PDS5B: variants seen among roughly 807,000 people sequenced by gnomAD.
PDS5B encodes the protein sister chromatid cohesion protein PDS5 homolog B.
In PDS5B, 51 loss-of-function variants were observed where a neutral mutation model predicts 184.1. The observed-to-expected ratio is 0.28, with a 90% CI of 0.22 to 0.35. The LOEUF (loss-of-function observed/expected upper bound fraction) is 0.35, where lower values mean the gene tolerates loss of function less well. Among genes scored for constraint, PDS5B ranks in the 10% least tolerant of loss-of-function variants. The pLI, the probability that PDS5B is intolerant of heterozygous loss-of-function variation, is 1.00. For synonymous variants in PDS5B, 566 were observed against 569.2 expected (o/e 0.99, Z 0.08); for missense variants, 1,180 against 1,723.3 (o/e 0.68, Z 5.58).
At chr13:32,768,345 C>T (rs1347827054) in intron 31 of PDS5B, among the ~76,000 whole-genome samples, 1 of 152,120 alleles carries the variant, frequency 6.6e-6, no homozygotes, top group Non-Finnish European at 1.5e-5. Flanking sequence ...TATAAGGACA[C>T]TAATCTCATC....
chr13:32,738,570 T>C (rs1320653444), intron 21 of PDS5B, among the ~76,000 whole-genome samples: 2 of 152,230 alleles, frequency 1.3e-5, no homozygotes, highest in Non-Finnish European at 2.9e-5. Context: ...TAATCTTTTA[T>C]CTGGTACATG....
intron 15 of PDS5B, among the ~76,000 whole-genome samples, chr13:32,699,402 A>G (rs1204040291): frequency 6.6e-6 from 1 of 152,202 alleles, no homozygotes; most frequent in Non-Finnish European, 1.5e-5. Context: ...AATGTATGCA[A>G]CAAGCTCAAG....
At chr13:32,614,167 C>T (rs2058184732) in intron 1 of PDS5B, among the ~76,000 whole-genome samples, 1 of 152,098 alleles carries the variant, frequency 6.6e-6, no homozygotes, top group Non-Finnish European at 1.5e-5. Flanking sequence ...ATTGTGAGCC[C>T]TCCAACTTTC....
intron 19 of PDS5B, among the ~76,000 whole-genome samples, chr13:32,715,407 A>G (rs143744284): frequency 1.3e-3 from 198 of 152,172 alleles, no homozygotes; most frequent in African/African-American, 4.7e-3. Flanking sequence ...CTCTAAATCT[A>G]GATTTTGTTT....
At chr13:32,733,132 T>G (rs1953182682) in intron 20 of PDS5B, among the ~76,000 whole-genome samples, 1 of 152,184 alleles carries the variant, frequency 6.6e-6, no homozygotes, top group Admixed American at 6.5e-5. Context: ...TGATGTTAAT[T>G]TATAGGAAAG....
At chr13:32,627,470 GT>G (rs541903559) in intron 1 of PDS5B, among the ~76,000 whole-genome samples, 4 of 151,544 alleles carry the variant, frequency 2.6e-5, no homozygotes, top group Non-Finnish European at 5.9e-5. Context: ...CATTTCCTGG[GT>G]TTTTTTTACT....
intron 1 of PDS5B, among the ~76,000 whole-genome samples, chr13:32,632,073 T>C (rs2058464825): frequency 6.6e-6 from 1 of 152,134 alleles, no homozygotes; most frequent in Non-Finnish European, 1.5e-5. Flanking sequence ...CTCAAAATGA[T>C]CAATGATGTA....
chr13:32,733,702 A>G (rs969938518), intron 20 of PDS5B, among the ~76,000 whole-genome samples: 4 of 152,134 alleles, frequency 2.6e-5, no homozygotes, highest in Non-Finnish European at 5.9e-5. Flanking sequence ...CTAATAGAAA[A>G]TAAATTCACT....
At chr13:32,591,572 C>G (rs957402303) in intron 1 of PDS5B, among the ~76,000 whole-genome samples, 2 of 152,018 alleles carry the variant, frequency 1.3e-5, no homozygotes, top group Non-Finnish European at 2.9e-5. Context: ...AGTAGTACTA[C>G]GTTGTAATAG....
chr13:32,613,495 C>G (rs748812770), intron 1 of PDS5B, among the ~76,000 whole-genome samples: 1 of 152,152 alleles, frequency 6.6e-6, no homozygotes, highest in Non-Finnish European at 1.5e-5. Context: ...ATTAATGATG[C>G]TGAGCATCTT....
At chr13:32,599,062 G>T (rs1165641201) in intron 1 of PDS5B, among the ~76,000 whole-genome samples, 1 of 151,646 alleles carries the variant, frequency 6.6e-6, no homozygotes, top group South Asian at 2.1e-4. Context: ...GAGCCACCAC[G>T]CCCAGCCTCA....
intron 1 of PDS5B, among the ~76,000 whole-genome samples, chr13:32,604,349 C>T (rs1420186353): frequency 5.3e-5 from 8 of 152,096 alleles, no homozygotes; most frequent in Non-Finnish European, 1.2e-4. Context: ...GTTTTTGTCT[C>T]TGGTTCTGTT....
intron 21 of PDS5B, among the ~76,000 whole-genome samples, chr13:32,737,110 T>G (rs1330495721): frequency 6.6e-6 from 1 of 152,174 alleles, no homozygotes; most frequent in Non-Finnish European, 1.5e-5. Flanking sequence ...AATCTTACCT[T>G]GTACATATAT....
intron 1 of PDS5B, among the ~76,000 whole-genome samples, chr13:32,607,837 C>T (rs760618197): frequency 7.9e-5 from 12 of 152,204 alleles, no homozygotes; most frequent in South Asian, 4.1e-4. Context: ...AGTGAGGCTC[C>T]GTGGGTGTGG....
intron 30 of PDS5B, among the ~76,000 whole-genome samples, chr13:32,762,691 C>T (rs1203958967): frequency 6.6e-6 from 1 of 152,068 alleles, no homozygotes; most frequent in Non-Finnish European, 1.5e-5. Context: ...TATATTTTTT[C>T]AGTTGCTAAG....
intron 20 of PDS5B, among the ~76,000 whole-genome samples, chr13:32,733,240 T>C (rs1274508643): frequency 2.0e-5 from 3 of 152,190 alleles, no homozygotes; most frequent in African/African-American, 4.8e-5. Context: ...TGATATTGTA[T>C]CTGCTGTTTT....
rs771037519 is a variant in PDS5B, at chr13:32,683,955, A to G, written c.1135A>G (p.Lys379Glu). The G allele has an allele frequency of 1.9e-6, 3 of 1,594,354 alleles. No individual in the cohort carries two copies. The highest frequency in any genetic ancestry group is 2.2e-5 in the South Asian group (2 of 90,214). The change falls in exon 11 of 35, where the codon AAA becomes GAA. Residue 379 changes from lysine (K) to glutamate (E), a missense_variant. Physicochemically the swap from Lys to Glu is moderately conservative, Grantham distance 56. This residue lies in a region of PDS5B where 475 missense variants were observed against 691.5 expected (regional missense o/e 0.69). Coordinates refer to ENST00000315596, the MANE Select transcript of PDS5B (RefSeq NM_015032.4). The part of the protein sequence containing the change: ...DVIVSIVTAA[K>E]KDILLVNDHL... ...TATTGTGTCAATAGTTACAGCTGCT[A>G]AAAAGGATATTCTTCTGGTCAATGA...
chr13:32,707,065 C>T (rs1952043982), intron 18 of PDS5B, 26 bp downstream of exon 18: 2 of 1,224,916 alleles, frequency 1.6e-6, no homozygotes, highest in East Asian at 2.4e-5. Context: ...AAATTAAGTG[C>T]CTAATTAGAT....
At chr13:32,762,469 G>A (rs1954439892) in intron 30 of PDS5B, among the ~76,000 whole-genome samples, 1 of 152,128 alleles carries the variant, frequency 6.6e-6, no homozygotes, top group South Asian at 2.1e-4. Context: ...CTGTATTAAT[G>A]CATGTTAGTG....
Sources: allele counts gnomAD v4.1 joint callset (sites outside exome capture counted in the v4.1 genomes callset), GRCh38; gene constraint gnomAD v4.1.1; regional missense constraint gnomAD v4.1.1; transcripts MANE v1.5; gene names NCBI Gene and HGNC (gene_info 2026-07-23, HGNC 2026-07-21).